LARP4: variants seen among roughly 807,000 people sequenced by gnomAD.
The protein encoded by LARP4 is la-related protein 4.
In LARP4, 29 loss-of-function variants were observed where a neutral mutation model predicts 92.9. That is an observed-to-expected ratio of 0.31 (90% confidence interval 0.23 to 0.43). LARP4 has a LOEUF of 0.43. Ranked by LOEUF, LARP4 falls within the 20% of genes least tolerant of loss-of-function variation. The probability of loss-of-function intolerance (pLI) is 1.00; values close to 1 mark genes in which losing one functional copy is unlikely to be tolerated. For synonymous variants in LARP4, 279 were observed against 284.1 expected (o/e 0.98, Z 0.18); for missense variants, 732 against 860.0 (o/e 0.85, Z 1.86).
intron 12 of LARP4, among the ~76,000 whole-genome samples, chr12:50,463,656 G>A (rs1955765853): frequency 6.6e-6 from 1 of 152,050 alleles, no homozygotes; most frequent in East Asian, 1.9e-4. Flanking sequence ...TGCAAGGGTT[G>A]GGCTCCCAAG....
At chr12:50,426,602 C>G (rs959107418) in intron 1 of LARP4, among the ~76,000 whole-genome samples, 1 of 151,890 alleles carries the variant, frequency 6.6e-6, no homozygotes, top group African/African-American at 2.4e-5. Flanking sequence ...AAATACTCCT[C>G]ACTACTTCCA....
chr12:50,414,607 C>G (rs1308502802), intron 1 of LARP4, among the ~76,000 whole-genome samples: 1 of 152,108 alleles, frequency 6.6e-6, no homozygotes, highest in Non-Finnish European at 1.5e-5. Context: ...CTAGCCTATA[C>G]CTATATATTT....
At chr12:50,429,133 G>T (rs766602346) in intron 3 of LARP4, 43 bp downstream of exon 3, 1 of 1,430,612 alleles carries the variant, frequency 7.0e-7, no homozygotes, top group Non-Finnish European at 9.8e-7. Flanking sequence ...ATTCAGTACA[G>T]GACACCCCCC....
intron 1 of LARP4, among the ~76,000 whole-genome samples, chr12:50,418,568 T>C (rs1435686205): frequency 6.6e-6 from 1 of 152,122 alleles, no homozygotes; most frequent in East Asian, 1.9e-4. Context: ...TGTAGGCATG[T>C]GCCAACACGC....
chr12:50,473,072 A>G (rs1459737290), intron 13 of LARP4, among the ~76,000 whole-genome samples: 1 of 152,134 alleles, frequency 6.6e-6, no homozygotes, highest in African/African-American at 2.4e-5. Context: ...CACCCGCCTC[A>G]GCCTCCGAAA....
At chr12:50,403,706 G>C (rs1263290097) in intron 1 of LARP4, among the ~76,000 whole-genome samples, 1 of 152,148 alleles carries the variant, frequency 6.6e-6, no homozygotes, top group Non-Finnish European at 1.5e-5. Flanking sequence ...CTCTGCAGTT[G>C]TGTTCAATAC....
chr12:50,450,969 C>T (rs202125174), intron 8 of LARP4, among the ~76,000 whole-genome samples: 2 of 152,178 alleles, frequency 1.3e-5, no homozygotes, highest in East Asian at 3.9e-4. Context: ...CTTCTGGGGC[C>T]CATAGGTTTC....
intron 1 of LARP4, among the ~76,000 whole-genome samples, chr12:50,403,919 C>A (rs1944325527): frequency 1.5e-5 from 1 of 66,496 alleles, no homozygotes; most frequent in Non-Finnish European, 3.0e-5. Flanking sequence ...TGTTAGTATC[C>A]CCATTTTAGT....
intron 12 of LARP4, among the ~76,000 whole-genome samples, chr12:50,462,910 T>G (rs1955634902): frequency 6.6e-6 from 1 of 152,160 alleles, no homozygotes; most frequent in African/African-American, 2.4e-5. Flanking sequence ...CACGAAGTCT[T>G]TCTAACTTTC....
intron 10 of LARP4, among the ~76,000 whole-genome samples, chr12:50,460,149 A>G (rs112992936): frequency 0.12 from 17,728 of 151,984 alleles, 1,895 homozygotes; most frequent in African/African-American, 0.28. Flanking sequence ...AAAAAAAAAA[A>G]AAGAAGAAGA....
intron 2 of LARP4, 145 bp downstream of exon 2, chr12:50,428,054 G>A (rs896248697): frequency 2.0e-6 from 1 of 502,730 alleles, no homozygotes; most frequent in Non-Finnish European, 3.2e-6. Flanking sequence ...GGAGTACAGT[G>A]GCGCAGTCTT....
intron 8 of LARP4, among the ~76,000 whole-genome samples, chr12:50,447,444 A>G (rs1434918973): frequency 1.3e-5 from 2 of 152,244 alleles, no homozygotes; most frequent in African/African-American, 4.8e-5. Flanking sequence ...TCTGCTTTAT[A>G]AATTTACCAA....
At position 50,473,526 on chromosome 12, in the gene LARP4, A is replaced by G; in HGVS notation, c.1657A>G (p.Thr553Ala). The G allele has an allele frequency of 6.2e-7, 1 of 1,613,254 alleles. No individual in the cohort carries two copies. Residue 553 changes from threonine (T) to alanine (A), a missense_variant, in exon 14 of 16, where the codon ACT becomes GCT. Around this residue, in one of 7 missense-constraint regions of LARP4, gnomAD observed 97 missense variants for 85.9 expected, o/e 1.13. Coordinates refer to ENST00000398473, the MANE Select transcript of LARP4 (RefSeq NM_052879.5). ...CAGTTCTCCATGTGCTGCTGAGCTTACTGCATTAAGGTACAAGTTATAGTA... is the reference window on the plus strand; with the variant it reads ...CAGTTCTCCATGTGCTGCTGAGCTTGCTGCATTAAGGTACAAGTTATAGTA... ...STSSPCAAEL[T>A]ALSTTQQEKD...
At chr12:50,451,860 C>A (rs937216902) in intron 8 of LARP4, among the ~76,000 whole-genome samples, 2 of 151,194 alleles carry the variant, frequency 1.3e-5, no homozygotes, top group African/African-American at 4.9e-5. Flanking sequence ...AAAAATCAGC[C>A]GGGCGTGTTG....
rs1331487022 is a variant in LARP4, at chr12:50,401,006, A to G, written c.-5A>G. ...CGGGAACGATTGGGCTGAGCAGAGG[A>G]CGACATGTTGCTTTTCGTGGAGGTG... On this transcript the variant is annotated 5_prime_UTR_variant, in exon 1 of 16. Transcript: ENST00000398473. 5.6e-6 allele frequency: 9 copies of G among 1,614,072 alleles called. No homozygotes were observed. Among genetic ancestry groups the G allele is most frequent in the East Asian group, 2.2e-5 (1 of 44,868 alleles).
At chr12:50,434,860 C>A (rs934638352) in intron 4 of LARP4, among the ~76,000 whole-genome samples, 1 of 151,738 alleles carries the variant, frequency 6.6e-6, no homozygotes, top group Non-Finnish European at 1.5e-5. Flanking sequence ...CTGGCTAACA[C>A]GGTGAAACCC....
chr12:50,409,106 G>A (rs1021092861), intron 1 of LARP4, among the ~76,000 whole-genome samples: 1 of 152,088 alleles, frequency 6.6e-6, no homozygotes, highest in African/African-American at 2.4e-5. Flanking sequence ...AAAAAAATAG[G>A]AGGGCAGTGA....
chr12:50,405,710 T>C (rs2136247442), intron 1 of LARP4, among the ~76,000 whole-genome samples: 1 of 152,154 alleles, frequency 6.6e-6, no homozygotes, highest in East Asian at 1.9e-4. Flanking sequence ...CAGTGACTAC[T>C]GAAATTGGGT....
chr12:50,436,858 A>G (rs1950529785), intron 5 of LARP4, among the ~76,000 whole-genome samples: 1 of 152,240 alleles, frequency 6.6e-6, no homozygotes, highest in South Asian at 2.1e-4. Flanking sequence ...TTTATGGAAC[A>G]TTACAGAGGA....
Sources: gnomAD v4.1 joint callset for allele counts (sites outside exome capture counted in the v4.1 genomes callset) on GRCh38, gnomAD v4.1.1 for gene constraint, gnomAD v4.1.1 regional missense constraint, MANE v1.5 for transcripts, NCBI Gene and HGNC (gene_info 2026-07-23, HGNC 2026-07-21) for gene names.